Variants in NRG1 observed in about 807,000 individuals in gnomAD.
NRG1 encodes the protein pro-neuregulin-1, membrane-bound isoform.
A neutral mutation model predicts 63.8 loss-of-function variants in NRG1; 18 were observed. The observed-to-expected ratio is 0.28, with a 90% CI of 0.19 to 0.42. The LOEUF is 0.42. NRG1 is among the 10% of genes least tolerant of loss of function. NRG1 has a pLI of 1.00. For missense variants in NRG1, 762 were observed against 814.7 expected, an observed-to-expected ratio of 0.94 and a Z score of 0.79; for synonymous variants, 302 against 301.3, an observed-to-expected ratio of 1.00 and a Z score of -0.02.
intron 1 of NRG1, among the ~76,000 whole-genome samples, chr8:32,231,843 C>T (rs963061775): frequency 1.2e-4 from 18 of 149,882 alleles, no homozygotes; most frequent in Admixed American, 1.0e-3. Flanking sequence ...TGCAGTGAGC[C>T]GAGATCATAC....
At chr8:32,140,644 G>A (rs1000505576) in intron 1 of NRG1, among the ~76,000 whole-genome samples, 1 of 151,770 alleles carries the variant, frequency 6.6e-6, no homozygotes, top group African/African-American at 2.4e-5. Flanking sequence ...TCATTTTTTT[G>A]TAGAGACTGG....
intron 6 of NRG1, among the ~76,000 whole-genome samples, chr8:32,734,833 T>A (rs1169319391): frequency 2.0e-5 from 3 of 152,224 alleles, no homozygotes; most frequent in Non-Finnish European, 4.4e-5. Context: ...CATTCCTCAC[T>A]TATAAAAATC....
intron 1 of NRG1, among the ~76,000 whole-genome samples, chr8:32,054,024 T>C (rs1822432820): frequency 6.6e-6 from 1 of 152,206 alleles, no homozygotes; most frequent in South Asian, 2.1e-4. Context: ...TGTGATATAA[T>C]GTAATGGCCT....
chr8:32,514,852 CA>C (rs1829634262), intron 1 of NRG1, among the ~76,000 whole-genome samples: 1 of 143,664 alleles, frequency 7.0e-6, no homozygotes, highest in African/African-American at 2.6e-5. Context: ...GTTTTAGATT[CA>C]GGGGGTACAT....
intron 1 of NRG1, among the ~76,000 whole-genome samples, chr8:31,873,749 C>T (rs939186623): frequency 8.5e-5 from 13 of 152,154 alleles, no homozygotes; most frequent in African/African-American, 3.1e-4. Context: ...GACAGTATTA[C>T]ATTTGTGAAG....
intron 1 of NRG1, among the ~76,000 whole-genome samples, chr8:32,383,224 C>T (rs1810575144): frequency 6.6e-6 from 1 of 152,078 alleles, no homozygotes; most frequent in African/African-American, 2.4e-5. Context: ...GACCCTGTCT[C>T]TAAAAGACAA....
chr8:32,375,486 C>G (rs1273937924), intron 1 of NRG1, among the ~76,000 whole-genome samples: 1 of 152,076 alleles, frequency 6.6e-6, no homozygotes, highest in African/African-American at 2.4e-5. Context: ...TCGGGAAATT[C>G]AAATCTGTTT....
At chr8:31,883,373 A>T (rs1585485678) in intron 1 of NRG1, among the ~76,000 whole-genome samples, 2 of 152,238 alleles carry the variant, frequency 1.3e-5, no homozygotes, top group South Asian at 4.1e-4. Context: ...AAACCAAAAA[A>T]TTCAGGTGAC....
Position 32,648,377 on chromosome 8 carries a change from T to C in NRG1, c.502+31492T>C. 4 of 1,613,710 alleles carry C rather than the reference T, an allele frequency of 2.5e-6. No individual in the cohort carries two copies. In the South Asian group the frequency reaches 3.3e-5, roughly 13 times the overall value. ...CAGAAACTAATCTCCAAACTGCTCCTAAACTTTGTAAGTAGAGAGAGAGAG... is the reference window on the plus strand; with the variant it reads ...CAGAAACTAATCTCCAAACTGCTCCCAAACTTTGTAAGTAGAGAGAGAGAG... On this transcript the variant is annotated intron_variant, in intron 5 of 11. Transcript: ENST00000356819.
intron 5 of NRG1, among the ~76,000 whole-genome samples, chr8:32,712,006 C>T (rs551046782): frequency 3.3e-5 from 5 of 152,224 alleles, no homozygotes; most frequent in African/African-American, 7.2e-5. Context: ...AGTGAGCCTG[C>T]GTAGGTAATA....
At chr8:32,660,178 GA>G (rs1802511569) in intron 5 of NRG1, among the ~76,000 whole-genome samples, 2 of 152,152 alleles carry the variant, frequency 1.3e-5, no homozygotes, top group African/African-American at 4.8e-5. Flanking sequence ...ATGTTCAATG[GA>G]AATGCTCGTT....
chr8:32,740,118 G>A (rs750679472), intron 6 of NRG1, among the ~76,000 whole-genome samples: 7 of 149,822 alleles, frequency 4.7e-5, no homozygotes, highest in South Asian at 2.1e-4. Context: ...TCTTATATAC[G>A]TTCAGTAAGA....
In NRG1 at chr8:32,541,114, A is replaced by G. The variant is rs149504472; in HGVS notation, c.38-54714A>G. 7.9e-4 allele frequency among the ~76,000 whole-genome samples: 120 copies of G among 152,324 alleles called. 1 individual carries two copies. The highest frequency in any genetic ancestry group is 2.7e-3 in the African/African-American group (111 of 41,584). On this transcript the variant is annotated intron_variant, in intron 1 of 10. Coordinates refer to the NRG1 transcript ENST00000519301. Reference sequence around the variant, plus strand: ...TGTGTTGAAAGTTAGTCTGTTGCAAAGAAACTTGAGTTCTAGGCCCGGATC... The same window carrying G: ...TGTGTTGAAAGTTAGTCTGTTGCAAGGAAACTTGAGTTCTAGGCCCGGATC...
chr8:32,547,222 G>A (rs372007871), upstream of NRG1, among the ~76,000 whole-genome samples: 17 of 152,174 alleles, frequency 1.1e-4, no homozygotes, highest in African/African-American at 3.9e-4. Flanking sequence ...GCAGGGGAGG[G>A]GTCAATGCCT....
intron 1 of NRG1, among the ~76,000 whole-genome samples, chr8:32,313,747 C>A (rs1872801): frequency 0.8 from 121,261 of 152,118 alleles, 48,441 homozygotes; most frequent in Middle Eastern, 0.83. Flanking sequence ...ATTTTTAAAA[C>A]ATCATAAGGC....
At chr8:31,948,708 G>A (rs1802999038) in intron 1 of NRG1, among the ~76,000 whole-genome samples, 1 of 152,096 alleles carries the variant, frequency 6.6e-6, no homozygotes, top group Non-Finnish European at 1.5e-5. Context: ...TTCTGATTAG[G>A]AACTCTTGTG....
chr8:32,307,915 T>C (rs993241471), intron 1 of NRG1, among the ~76,000 whole-genome samples: 2 of 152,152 alleles, frequency 1.3e-5, no homozygotes, highest in South Asian at 4.1e-4. Context: ...TCTCCGACAC[T>C]GACCACAAAC....
intron 1 of NRG1, among the ~76,000 whole-genome samples, chr8:31,663,170 C>A (rs549852190): frequency 6.6e-6 from 1 of 152,298 alleles, no homozygotes; most frequent in East Asian, 1.9e-4. Context: ...GGCTGTCAGT[C>A]TGCTCCACAA....
chr8:32,106,039 G>C (rs1831215026), intron 1 of NRG1, among the ~76,000 whole-genome samples: 1 of 152,104 alleles, frequency 6.6e-6, no homozygotes, highest in Non-Finnish European at 1.5e-5. Flanking sequence ...ACTCTCTTAG[G>C]ATACAGAATT....
Sources: gnomAD v4.1 joint callset for allele counts (sites outside exome capture counted in the v4.1 genomes callset) on GRCh38, gnomAD v4.1.1 for gene constraint, MANE v1.5 for transcripts, NCBI Gene and HGNC (gene_info 2026-07-23, HGNC 2026-07-21) for gene names.